Variants in LRMDA observed in about 807,000 individuals in gnomAD.
The protein encoded by LRMDA is leucine rich melanocyte differentiation associated, also known as leucine-rich melanocyte differentiation-associated protein.
LRMDA carries 18 observed loss-of-function variants against 29.8 expected under a neutral mutation model. That is an observed-to-expected ratio of 0.60 (90% CI 0.42 to 0.90). The LOEUF (loss-of-function observed/expected upper bound fraction) is 0.90, where lower values mean the gene tolerates loss of function less well. Among genes scored for constraint, LRMDA ranks in the 40% least tolerant of loss-of-function variants. The pLI is 0.00. For missense variants in LRMDA, 273 were observed against 273.9 expected, an observed-to-expected ratio of 1.00 and a Z score of 0.02; for synonymous variants, 125 against 109.4, an observed-to-expected ratio of 1.14 and a Z score of -0.89.
chr10:76,383,844 CAG>C (rs539829442), intron 6 of LRMDA, among the ~76,000 whole-genome samples: 162 of 152,312 alleles, frequency 1.1e-3, no homozygotes, highest in African/African-American at 3.8e-3. Flanking sequence ...GTCATCTCCT[CAG>C]AGAGGTCTTC....
chr10:76,470,241 A>G (rs1463401876), intron 6 of LRMDA, among the ~76,000 whole-genome samples: 2 of 152,084 alleles, frequency 1.3e-5, no homozygotes, highest in Non-Finnish European at 2.9e-5. Flanking sequence ...TTAATTCAAA[A>G]CCACACGAAT....
intron 1 of LRMDA, among the ~76,000 whole-genome samples, chr10:75,434,964 G>A (rs1452865703): frequency 6.6e-6 from 1 of 152,224 alleles, no homozygotes; most frequent in Non-Finnish European, 1.5e-5. Flanking sequence ...GTGTACATAG[G>A]TGGGGACCCC....
At chr10:76,015,454 C>T (rs977292956) in intron 2 of LRMDA, among the ~76,000 whole-genome samples, 19 of 152,172 alleles carry the variant, frequency 1.2e-4, no homozygotes, top group African/African-American at 4.3e-4. Flanking sequence ...GGCTCCTTGC[C>T]ACATGGACCT....
intron 2 of LRMDA, among the ~76,000 whole-genome samples, chr10:75,693,045 G>A (rs963272987): frequency 6.6e-6 from 1 of 152,102 alleles, no homozygotes; most frequent in Non-Finnish European, 1.5e-5. Context: ...CTGAAATGCC[G>A]CGAACAGCCA....
intron 2 of LRMDA, among the ~76,000 whole-genome samples, chr10:75,929,119 GC>G (rs1226928920): frequency 6.6e-6 from 1 of 152,112 alleles, no homozygotes; most frequent in Non-Finnish European, 1.5e-5. Context: ...CACCTACAGT[GC>G]CCAGAAAGGA....
intron 2 of LRMDA, among the ~76,000 whole-genome samples, chr10:75,496,819 G>A (rs563003046): frequency 1.9e-4 from 29 of 152,164 alleles, no homozygotes; most frequent in African/African-American, 7.0e-4. Context: ...TCAGAAAAAT[G>A]CACGTATGTT....
At chr10:76,265,588 G>C (rs1481190890) in intron 5 of LRMDA, among the ~76,000 whole-genome samples, 1 of 152,196 alleles carries the variant, frequency 6.6e-6, no homozygotes, top group Non-Finnish European at 1.5e-5. Flanking sequence ...GCACAGGCGA[G>C]GCTTGGTATG....
intron 2 of LRMDA, among the ~76,000 whole-genome samples, chr10:75,765,735 G>A (rs769388901): frequency 1.8e-4 from 28 of 151,990 alleles, no homozygotes; most frequent in Non-Finnish European, 2.8e-4. Context: ...AGAAGCTCAC[G>A]TGCAGAATGA....
At chr10:75,591,974 G>T (rs1051453418) in intron 2 of LRMDA, among the ~76,000 whole-genome samples, 1 of 151,980 alleles carries the variant, frequency 6.6e-6, no homozygotes, top group African/African-American at 2.4e-5. Flanking sequence ...GATGGTGGGG[G>T]TGGTATGGAG....
chr10:75,846,177 T>TTG (rs59549881), intron 2 of LRMDA, among the ~76,000 whole-genome samples: 28,242 of 142,810 alleles, frequency 0.2, 2,614 homozygotes, highest in Non-Finnish European at 0.22. Context: ...GTGTGTGTGT[T>TTG]TGTGTGTGTG....
intron 3 of LRMDA, among the ~76,000 whole-genome samples, chr10:76,040,736 C>T (rs1848326590): frequency 6.6e-6 from 1 of 152,062 alleles, no homozygotes; most frequent in South Asian, 2.1e-4. Flanking sequence ...TGTAGATAAC[C>T]TTTGCGCAAT....
At chr10:76,206,188 A>G (rs1851533391) in intron 5 of LRMDA, among the ~76,000 whole-genome samples, 3 of 152,160 alleles carry the variant, frequency 2.0e-5, no homozygotes. Context: ...CCTCATCTCC[A>G]GCTACTAACC....
At chr10:76,187,687 G>A (rs1466774818) in intron 5 of LRMDA, among the ~76,000 whole-genome samples, 3 of 152,122 alleles carry the variant, frequency 2.0e-5, no homozygotes, top group Admixed American at 6.5e-5. Flanking sequence ...TGGGGACAGA[G>A]GTAAGGAAGG....
intron 5 of LRMDA, among the ~76,000 whole-genome samples, chr10:76,179,189 A>T (rs561601622): frequency 1.3e-5 from 2 of 152,244 alleles, no homozygotes; most frequent in African/African-American, 4.8e-5. Flanking sequence ...ATTAAAAAAA[A>T]GTTTCTGCAA....
chr10:76,409,205 G>A lies in LRMDA; in HGVS notation c.601+84720G>A, dbSNP rs72817480. On this transcript the variant is annotated intron_variant, in intron 6 of 6. Coordinates refer to ENST00000611255, the MANE Select transcript of LRMDA (RefSeq NM_001305581.2). ...AATGGTGAGATTGTCAGTGATTTTC[G>A]TACTCTTTTCCTTTGAGCTTTTTGG... Among the ~76,000 whole-genome samples the A allele has an allele frequency of 1.5e-4, 23 of 152,166 alleles. No homozygotes were observed. In the South Asian group the frequency reaches 2.5e-3, roughly 16 times the overall value.
intron 6 of LRMDA, among the ~76,000 whole-genome samples, chr10:76,507,204 CA>C (rs1407431299): frequency 1.5e-4 from 12 of 78,564 alleles, no homozygotes; most frequent in Middle Eastern, 7.1e-3. Flanking sequence ...CAATGTTGAA[CA>C]TTTTTTTTTT....
chr10:76,548,917 C>T (rs767251333), intron 6 of LRMDA, among the ~76,000 whole-genome samples: 7 of 152,122 alleles, frequency 4.6e-5, no homozygotes, highest in South Asian at 2.1e-4. Flanking sequence ...AGAGCCACAA[C>T]GCCTGTAACC....
At chr10:76,320,184 C>G in intron 5 of LRMDA, among the ~76,000 whole-genome samples, 1 of 152,220 alleles carries the variant, frequency 6.6e-6, no homozygotes, top group Admixed American at 6.5e-5. Context: ...TGCCAAAGTT[C>G]TACCTTCCTT....
intron 2 of LRMDA, among the ~76,000 whole-genome samples, chr10:75,925,192 A>C (rs1846099308): frequency 6.6e-6 from 1 of 152,110 alleles, no homozygotes. Flanking sequence ...AAACACAATA[A>C]TCTGATTTTT....
Sources: allele counts gnomAD v4.1 joint callset (sites outside exome capture counted in the v4.1 genomes callset), GRCh38; gene constraint gnomAD v4.1.1; transcripts MANE v1.5; gene names NCBI Gene and HGNC (gene_info 2026-07-23, HGNC 2026-07-21).